The following MYT1 variants were observed in gnomAD, a reference collection of about 807,000 sequenced individuals.
The protein encoded by MYT1 is myelin transcription factor I.
Under a neutral mutation model 123.0 loss-of-function variants are expected in MYT1, and 23 were observed. The observed-to-expected ratio is 0.19, with a 90% CI of 0.13 to 0.26. MYT1 has a LOEUF of 0.26. MYT1 is among the 10% of genes least tolerant of loss of function. The pLI, the probability that MYT1 is intolerant of heterozygous loss-of-function variation, is 1.00. For missense variants in MYT1, 1,125 were observed against 1,472.5 expected (o/e 0.76, Z 3.86); for synonymous variants, 518 against 575.3 (o/e 0.90, Z 1.43).
In MYT1 at chr20:64,208,531, C is replaced by A. The variant is rs748475064; in HGVS notation, c.1291+44C>A. The A allele has an allele frequency of 1.3e-6, 2 of 1,541,174 alleles. No individual in the cohort carries two copies. Among genetic ancestry groups the A allele is most frequent in the Non-Finnish European group, 1.8e-6 (2 of 1,142,454 alleles). ...CTGGCCCTGCAGACTCATCCTTTCA[C>A]CCCTGCCCCAGGTGTGCAGATGCAG... On this transcript the variant is annotated intron_variant, in intron 7 of 22. Coordinates refer to ENST00000328439, the MANE Select transcript of MYT1 (RefSeq NM_004535.3). The surrounding 1 kb of genome is among the most constrained non-coding windows in gnomAD (Gnocchi z 5.4).
intron 22 of MYT1, 77 bp from the exon 23 acceptor site, chr20:64,240,243 T>G: frequency 1.3e-6 from 2 of 1,566,646 alleles, no homozygotes; most frequent in South Asian, 2.4e-5. Context: ...GACATAGGTT[T>G]GATGCTCCCA....
At chr20:64,236,715 T>C in intron 20 of MYT1, 69 bp downstream of exon 20, 1 of 1,371,560 alleles carries the variant, frequency 7.3e-7, no homozygotes, top group Non-Finnish European at 1.0e-6. Context: ...TGTGCACCTT[T>C]TGTGCTGGTG....
At chr20:64,236,049 C>G (rs370681228) in intron 19 of MYT1, among the ~76,000 whole-genome samples, 7,355 of 26,104 alleles carry the variant, frequency 0.28, 1,718 homozygotes, top group African/African-American at 0.64. Flanking sequence ...CTGGGATGGT[C>G]GCGGTGGGTG....
rs1056012612 is a variant in MYT1, at chr20:64,196,505, A to G, written c.1-2357A>G. ...CGTCAGCCGGCACTGCTGATTTCAA[A>G]TAGCTCAGAAACCAGTGTCCCAAGT... On this transcript the variant is annotated intron_variant, in intron 2 of 22. Transcript: ENST00000328439. The surrounding 1 kb of genome is among the most constrained non-coding windows in gnomAD (Gnocchi z 4.3). 6.6e-6 allele frequency among the ~76,000 whole-genome samples: 1 copy of G among 152,242 alleles called. No homozygotes were observed. Among genetic ancestry groups the G allele is most frequent in the African/African-American group, 2.4e-5 (1 of 41,452 alleles).
rs759933398 is a variant in MYT1 at position 64,217,117 on chromosome 20, G to A, written c.1682G>A (p.Arg561Gln). Residue 561 changes from arginine to glutamine, a missense_variant, in exon 11 of 23, where the codon CGG (arginine) becomes CAG (glutamine). Arg to Gln is a conservative substitution (Grantham distance 43, BLOSUM62 1). This residue lies in a region of MYT1 where 429 missense variants were observed against 604.1 expected (regional missense o/e 0.71). Transcript: ENST00000328439. ...QLEVPPYGSY[R>Q]PNVAPATPRA... The stretch of plus-strand genomic sequence containing the variant: ...GAGGTCCCTCCATATGGGAGCTACC[G>A]GCCCAACGTGGCCCCCGCCACACCC... The A allele has an allele frequency of 1.2e-5, 19 of 1,613,930 alleles. No homozygotes were observed. The highest frequency in any genetic ancestry group is 2.2e-5 in the East Asian group (1 of 44,892).
rs375395822 is a variant in MYT1 at position 64,220,910 on chromosome 20, G to T, written c.2241+928G>T. On this transcript the variant is annotated intron_variant, in intron 13 of 22. Coordinates refer to ENST00000328439, the MANE Select transcript of MYT1 (RefSeq NM_004535.3). Reference sequence around the variant, plus strand: ...CTATGAAGGGTGGGGGCTGGATCAGGCCCCTATGAAGGGTGGGGGCTGGAT... The same window carrying T: ...CTATGAAGGGTGGGGGCTGGATCAGTCCCCTATGAAGGGTGGGGGCTGGAT... 1.2e-3 allele frequency among the ~76,000 whole-genome samples: 141 copies of T among 119,060 alleles called. 2 individuals carry two copies. In the East Asian group the frequency reaches 0.022, roughly 19 times the overall value. The allele number at this position is 119,060 out of a possible 152,430, so 78.1% of individuals were successfully genotyped here. A position where few individuals can be genotyped will look rare whatever the true frequency, so the allele number is the denominator to read the frequency against.
chr20:64,202,414 C>T lies in MYT1; in HGVS notation c.86+2492C>T, dbSNP rs1257842136. Among the ~76,000 whole-genome samples, 4 of 152,124 alleles carry T rather than the reference C, an allele frequency of 2.6e-5. No individual in the cohort carries two copies. Among genetic ancestry groups the T allele is most frequent in the African/African-American group, 7.2e-5 (3 of 41,424 alleles). ...GGCCTCAGACTGGCTCTGCCAGAGG[C>T]GAAGACTAGGGAAGGTTAGGGTTGG... On this transcript the variant is annotated intron_variant, in intron 4 of 22. Coordinates refer to ENST00000328439, the MANE Select transcript of MYT1 (RefSeq NM_004535.3). The surrounding 1 kb of genome is among the most constrained non-coding windows in gnomAD (Gnocchi z 5.0).
chr20:64,240,510 G>T lies in MYT1; in HGVS notation c.*62G>T. The T allele has an allele frequency of 6.5e-6, 10 of 1,533,390 alleles. No individual in the cohort carries two copies. Among genetic ancestry groups the T allele is most frequent in the Non-Finnish European group, 7.0e-6 (8 of 1,141,162 alleles). 95.0% of individuals were successfully genotyped at this position (1,533,390 alleles called of 1,614,324 possible). A position where few individuals can be genotyped will look rare whatever the true frequency, so the allele number is the denominator to read the frequency against. On this transcript the variant is annotated 3_prime_UTR_variant, in exon 23 of 23. Transcript: ENST00000328439. ...CCGTTTACCTCCCTCGCCCTGCCCCGCACCGTGGGGATGCCCAACTCACAG... is the reference window on the plus strand; with the variant it reads ...CCGTTTACCTCCCTCGCCCTGCCCCTCACCGTGGGGATGCCCAACTCACAG...
At chr20:64,207,212 A>G (rs570596696) in intron 6 of MYT1, among the ~76,000 whole-genome samples, 1 of 152,334 alleles carries the variant, frequency 6.6e-6, no homozygotes, top group Non-Finnish European at 1.5e-5. Flanking sequence ...TTATGAAACA[A>G]TTATTATTAT....
At chr20:64,214,379 G>A (rs546320957) in intron 10 of MYT1, among the ~76,000 whole-genome samples, 8 of 152,334 alleles carry the variant, frequency 5.3e-5, no homozygotes, top group South Asian at 2.1e-4. Context: ...TTACATGTGC[G>A]TGCAAGTCCA....
chr20:64,195,233 A>G (rs1983076072), intron 2 of MYT1, among the ~76,000 whole-genome samples: 1 of 152,078 alleles, frequency 6.6e-6, no homozygotes, highest in Non-Finnish European at 1.5e-5. Flanking sequence ...TGCTTACTGC[A>G]TTGGCTTGTT....
chr20:64,218,794 G>A lies in MYT1; in HGVS notation c.1847-117G>A. 1 of 1,388,068 alleles carries A rather than the reference G, an allele frequency of 7.2e-7. No homozygotes were observed. Among genetic ancestry groups the A allele is most frequent in the East Asian group, 2.3e-5 (1 of 42,988 alleles). 86.0% of individuals were successfully genotyped at this position (1,388,068 alleles called of 1,614,324 possible). ...TGTCTGCATTGCTGCCTCTTTTCAA[G>A]TTGTATATCAGCCTGGTGTTGTTCC... On this transcript the variant is annotated intron_variant, in intron 11 of 22. Transcript: ENST00000328439. The surrounding 1 kb of genome is among the most constrained non-coding windows in gnomAD (Gnocchi z 4.0).
At chr20:64,209,744 A>G (rs953336530) in intron 7 of MYT1, among the ~76,000 whole-genome samples, 1 of 152,236 alleles carries the variant, frequency 6.6e-6, no homozygotes, top group African/African-American at 2.4e-5. Flanking sequence ...CATGATAGGC[A>G]GGTCAGTGGA....
At chr20:64,194,484 GCTCCTGCTGGGGCCAGGACACC>G (rs1423103619) in intron 2 of MYT1, among the ~76,000 whole-genome samples, 1 of 152,252 alleles carries the variant, frequency 6.6e-6, no homozygotes, top group Non-Finnish European at 1.5e-5. Context: ...GGCCAGAACA[GCTCCTGCTGGGGCCAGGACACC>G]CTCCTGCTGG....
At chr20:64,198,521 G>A (rs1461295174) in intron 2 of MYT1, among the ~76,000 whole-genome samples, 1 of 152,114 alleles carries the variant, frequency 6.6e-6, no homozygotes, top group Non-Finnish European at 1.5e-5. Flanking sequence ...GATAACATAC[G>A]GACATTCATC....
At position 64,218,730 on chromosome 20, in the gene MYT1, C is replaced by A. The variant is rs1229919775; in HGVS notation, c.1847-181C>A. On this transcript the variant is annotated intron_variant, in intron 11 of 22. Coordinates refer to ENST00000328439, the MANE Select transcript of MYT1 (RefSeq NM_004535.3). The surrounding 1 kb of genome is among the most constrained non-coding windows in gnomAD (Gnocchi z 4.0). Reference sequence around the variant, plus strand: ...CACTTCGATATAGCTGTGCCCTGGGCCCTCCCATCCCTCCCAAAGTGCCCC... The same window carrying A: ...CACTTCGATATAGCTGTGCCCTGGGACCTCCCATCCCTCCCAAAGTGCCCC... The A allele has an allele frequency of 2.6e-6, 2 of 763,378 alleles. No individual in the cohort carries two copies. Among genetic ancestry groups the A allele is most frequent in the South Asian group, 3.2e-5 (2 of 63,184 alleles). The allele number at this position is 763,378 out of a possible 1,614,324, so 47.3% of individuals were successfully genotyped here.
rs1223534865 is a variant in MYT1, at chr20:64,191,288, C to T, written c.-1+1128C>T. On this transcript the variant is annotated intron_variant, in intron 2 of 22. Coordinates refer to ENST00000328439, the MANE Select transcript of MYT1 (RefSeq NM_004535.3). This position sits in a 1 kb window ranked among gnomAD's most constrained non-coding sequence, Gnocchi z 4.1. ...CTTCGGGGACACTCCCGAACTGTGACATCACATGTGCTTACAGCCACTGTT... is the reference window on the plus strand; with the variant it reads ...CTTCGGGGACACTCCCGAACTGTGATATCACATGTGCTTACAGCCACTGTT... Among the ~76,000 whole-genome samples, 1 of 152,110 alleles carries T rather than the reference C, an allele frequency of 6.6e-6. No individual in the cohort carries two copies. Among genetic ancestry groups the T allele is most frequent in the African/African-American group, 2.4e-5 (1 of 41,362 alleles).
rs1982910583 is a variant in MYT1 at position 64,189,669 on chromosome 20, G to A, written c.-98-394G>A. ...TTCTTTTGAGGGGCAGAAGGATCTG[G>A]TTGTAATGCGAATAATTACTCATTA... On this transcript the variant is annotated intron_variant, in intron 1 of 22. Transcript: ENST00000328439. The surrounding 1 kb of genome is among the most constrained non-coding windows in gnomAD (Gnocchi z 5.5). Among the ~76,000 whole-genome samples, 1 of 152,226 alleles carries A rather than the reference G, an allele frequency of 6.6e-6. No homozygotes were observed. Among genetic ancestry groups the A allele is most frequent in the African/African-American group, 2.4e-5 (1 of 41,460 alleles).
chr20:64,231,769 GC>G lies in MYT1; in HGVS notation c.2676-393del, dbSNP rs1984327964. Among the ~76,000 whole-genome samples the G allele has an allele frequency of 1.3e-5, 2 of 152,158 alleles. No individual in the cohort carries two copies. The highest frequency in any genetic ancestry group is 2.9e-5 in the Non-Finnish European group (2 of 68,026). On this transcript the variant is annotated intron_variant, in intron 18 of 22. Coordinates refer to ENST00000328439, the MANE Select transcript of MYT1 (RefSeq NM_004535.3). The surrounding 1 kb of genome is among the most constrained non-coding windows in gnomAD (Gnocchi z 6.4). ...GCTTGATGCAAGCTCCCAGGGAGTG[GC>G]CTCTAGGTGGTCTCAGCTGACAACA...
Sources: allele counts gnomAD v4.1 joint callset (sites outside exome capture counted in the v4.1 genomes callset), GRCh38; gene constraint gnomAD v4.1.1; regional missense constraint gnomAD v4.1.1; non-coding constraint Gnocchi (gnomAD v3.1); transcripts MANE v1.5; gene names NCBI Gene and HGNC (gene_info 2026-07-23, HGNC 2026-07-21).